TOX: variants seen among roughly 807,000 people sequenced by gnomAD.
TOX encodes thymocyte selection-associated high mobility group box protein TOX.
A neutral mutation model predicts 53.7 loss-of-function variants in TOX; 11 were observed. The ratio of observed to expected loss-of-function variants is 0.20; its 90% confidence interval spans 0.13 to 0.34. The LOEUF is 0.34. Ranked by LOEUF, TOX falls within the 10% of genes least tolerant of loss-of-function variation. The pLI, the probability that TOX is intolerant of heterozygous loss-of-function variation, is 1.00. For synonymous variants in TOX, 225 were observed against 245.3 expected (o/e 0.92, Z 0.77); for missense variants, 570 against 664.6 (o/e 0.86, Z 1.56).
At chr8:59,020,736 T>C (rs1002030460) in intron 1 of TOX, among the ~76,000 whole-genome samples, 1 of 152,172 alleles carries the variant, frequency 6.6e-6, no homozygotes, top group East Asian at 1.9e-4. Context: ...TTACATTATG[T>C]ACCATACTTT....
chr8:59,109,064 C>T (rs1804965878), intron 1 of TOX, among the ~76,000 whole-genome samples: 1 of 152,140 alleles, frequency 6.6e-6, no homozygotes, highest in South Asian at 2.1e-4. Context: ...TACAAACTAA[C>T]ACTGATTAAT....
chr8:58,905,150 C>T (rs1426832773), intron 3 of TOX, among the ~76,000 whole-genome samples: 4 of 152,112 alleles, frequency 2.6e-5, no homozygotes, highest in Non-Finnish European at 5.9e-5. Context: ...CGAGGATGGT[C>T]CCAATCTCTT....
rs1001369578 is a variant in TOX at position 58,999,331 on chromosome 8, A to T, written c.103-39323T>A. Among the ~76,000 whole-genome samples, 2 of 152,114 alleles carry T rather than the reference A, an allele frequency of 1.3e-5. 1 individual carries two copies. Among genetic ancestry groups the T allele is most frequent in the Admixed American group, 1.3e-4 (2 of 15,268 alleles). ...AATTTCAGTAAACAATTTCAGGAAA[A>T]AAAAACCAATAAATTAAAGCACTAT... On this transcript the variant is annotated intron_variant, in intron 1 of 8. Transcript: ENST00000361421.
At chr8:58,812,241 C>A (rs1810092503) in intron 7 of TOX, among the ~76,000 whole-genome samples, 1 of 152,254 alleles carries the variant, frequency 6.6e-6, no homozygotes, top group East Asian at 1.9e-4. Flanking sequence ...GGTGGACTCC[C>A]TTTTTGATCC....
intron 1 of TOX, among the ~76,000 whole-genome samples, chr8:58,966,525 T>C (rs75225920): frequency 0.021 from 3,254 of 152,152 alleles, 137 homozygotes; most frequent in African/African-American, 0.075. Flanking sequence ...TGCGGCTGCT[T>C]GGAAGACTTG....
At chr8:59,021,129 A>G (rs1814120298) in intron 1 of TOX, among the ~76,000 whole-genome samples, 1 of 145,912 alleles carries the variant, frequency 6.9e-6, no homozygotes, top group African/African-American at 2.5e-5. Flanking sequence ...AAAAAAAAAG[A>G]GTTGTAAAAT....
rs150451123 is a variant in TOX at position 58,889,278 on chromosome 8, A to G, written c.412-37473T>C. ...ATACCCTTAAACAGGATACTAGTTA[A>G]TTGAATTATGAAGAATACACACAAT... On this transcript the variant is annotated intron_variant, in intron 3 of 8. Coordinates refer to ENST00000361421, the MANE Select transcript of TOX (RefSeq NM_014729.3). Among the ~76,000 whole-genome samples, 22 of 151,836 alleles carry G rather than the reference A, an allele frequency of 1.4e-4. No homozygotes were observed. In the East Asian group the frequency reaches 4.1e-3, roughly 28 times the overall value.
chr8:58,892,393 G>C (rs551208135), intron 3 of TOX, among the ~76,000 whole-genome samples: 1 of 152,236 alleles, frequency 6.6e-6, no homozygotes, highest in East Asian at 1.9e-4. Context: ...GGTGGCTTTA[G>C]TCAGTTGAGT....
At chr8:58,812,385 C>A (rs1810099022) in intron 7 of TOX, among the ~76,000 whole-genome samples, 2 of 152,170 alleles carry the variant, frequency 1.3e-5, no homozygotes, top group Admixed American at 6.5e-5. Flanking sequence ...TGGCCTCCTT[C>A]CGATCTCCTG....
At chr8:59,037,672 G>A (rs548733138) in intron 1 of TOX, among the ~76,000 whole-genome samples, 2 of 151,850 alleles carry the variant, frequency 1.3e-5, no homozygotes, top group Non-Finnish European at 2.9e-5. Flanking sequence ...CGTGGTGGCA[G>A]GCACCTGTAA....
chr8:59,075,607 C>T (rs2129422857), intron 1 of TOX, among the ~76,000 whole-genome samples: 1 of 152,202 alleles, frequency 6.6e-6, no homozygotes. Context: ...CTTATAGGGG[C>T]CCCACTTGAG....
intron 3 of TOX, among the ~76,000 whole-genome samples, chr8:58,863,941 T>C (rs1006831254): frequency 6.6e-6 from 1 of 152,086 alleles, no homozygotes; most frequent in East Asian, 1.9e-4. Flanking sequence ...TCTGTCTGCA[T>C]TGCATTAAAA....
chr8:59,117,250 A>G lies in TOX; in HGVS notation c.102+1636T>C, dbSNP rs1187546576. Among the ~76,000 whole-genome samples, 2 of 152,214 alleles carry G rather than the reference A, an allele frequency of 1.3e-5. No individual in the cohort carries two copies. Among genetic ancestry groups the G allele is most frequent in the African/African-American group, 4.8e-5 (2 of 41,452 alleles). ...CATAAGCAAAATAAAACGTAACACA[A>G]TACTTGAGTGTACAGACAAAACAGA... is the stretch of plus-strand genomic sequence containing the variant. On this transcript the variant is annotated intron_variant, in intron 1 of 8. Coordinates refer to ENST00000361421, the MANE Select transcript of TOX (RefSeq NM_014729.3). This position sits in a 1 kb window ranked among gnomAD's most constrained non-coding sequence, Gnocchi z 4.6.
intron 1 of TOX, among the ~76,000 whole-genome samples, chr8:59,036,434 A>C (rs1385431387): frequency 6.6e-6 from 1 of 152,162 alleles, no homozygotes; most frequent in Non-Finnish European, 1.5e-5. Context: ...AGACTGTGTT[A>C]TCTCTACTGT....
chr8:59,118,793 C>T lies in TOX; in HGVS notation c.102+93G>A, dbSNP rs1805155575. Reference sequence around the variant, plus strand: ...GCCGAGCGCGCCCGGGACCGGCCTCCGCCAAGCCGGCCCCGCCGCGGCCCG... The same window carrying T: ...GCCGAGCGCGCCCGGGACCGGCCTCTGCCAAGCCGGCCCCGCCGCGGCCCG... On this transcript the variant is annotated intron_variant, in intron 1 of 8. Coordinates refer to ENST00000361421, the MANE Select transcript of TOX (RefSeq NM_014729.3). This position sits in a 1 kb window ranked among gnomAD's most constrained non-coding sequence, Gnocchi z 4.1. 3 of 983,082 alleles carry T rather than the reference C, an allele frequency of 3.1e-6. No homozygotes were observed. Among genetic ancestry groups the T allele is most frequent in the East Asian group, 6.5e-5 (2 of 30,562 alleles). The allele number at this position is 983,082 out of a possible 1,614,324, so 60.9% of individuals were successfully genotyped here. A position where few individuals can be genotyped will look rare whatever the true frequency, so the allele number is the denominator to read the frequency against.
intron 1 of TOX, among the ~76,000 whole-genome samples, chr8:58,995,978 T>C (rs1007989907): frequency 6.6e-6 from 1 of 152,218 alleles, no homozygotes; most frequent in Non-Finnish European, 1.5e-5. Flanking sequence ...TTCATCTAGT[T>C]GGTATTCCCT....
rs867533565 is a variant in TOX, at chr8:59,118,637, C to A, written c.102+249G>T. 6.6e-6 allele frequency among the ~76,000 whole-genome samples: 1 copy of A among 152,184 alleles called. No individual in the cohort carries two copies. The highest frequency in any genetic ancestry group is 2.1e-4 in the South Asian group (1 of 4,830). ...GCAAACCTAGGCAGGGATCCTTAGC[C>A]GCGAACAGCAGGAAGGAAAGAATCC... On this transcript the variant is annotated intron_variant, in intron 1 of 8. Coordinates refer to ENST00000361421, the MANE Select transcript of TOX (RefSeq NM_014729.3). This position sits in a 1 kb window ranked among gnomAD's most constrained non-coding sequence, Gnocchi z 4.1.
At chr8:58,898,453 G>T (rs781584417) in intron 3 of TOX, among the ~76,000 whole-genome samples, 6 of 115,738 alleles carry the variant, frequency 5.2e-5, no homozygotes, top group Admixed American at 4.1e-4. Context: ...AGCAAAATTT[G>T]TTCTACAAAA....
chr8:58,911,102 C>T (rs1439990940), intron 3 of TOX, among the ~76,000 whole-genome samples: 1 of 151,694 alleles, frequency 6.6e-6, no homozygotes, highest in Non-Finnish European at 1.5e-5. Context: ...GCAGTCTTTT[C>T]CCTTTTCACT....
Sources: allele counts gnomAD v4.1 joint callset (sites outside exome capture counted in the v4.1 genomes callset), GRCh38; gene constraint gnomAD v4.1.1; non-coding constraint Gnocchi (gnomAD v3.1); transcripts MANE v1.5; gene names NCBI Gene and HGNC (gene_info 2026-07-23, HGNC 2026-07-21).